Variants in DNAJC1 observed in about 807,000 individuals in gnomAD.
The protein encoded by DNAJC1 is DnaJ heat shock protein family (Hsp40) member C1.
A neutral mutation model predicts 76.6 loss-of-function variants in DNAJC1; 58 were observed. The ratio of observed to expected loss-of-function variants is 0.76; its 90% CI spans 0.61 to 0.94. DNAJC1 has a LOEUF of 0.94. Ranked by LOEUF, DNAJC1 falls within the 40% of genes least tolerant of loss-of-function variation. The probability of loss-of-function intolerance (pLI) is 0.00; values close to 1 mark genes in which losing one functional copy is unlikely to be tolerated. For synonymous variants in DNAJC1, 258 were observed against 267.9 expected (o/e 0.96, Z 0.36); for missense variants, 689 against 677.3 (o/e 1.02, Z -0.19).
intron 1 of DNAJC1, among the ~76,000 whole-genome samples, chr10:21,982,751 C>T (rs1284843348): frequency 6.6e-6 from 1 of 150,876 alleles, no homozygotes; most frequent in Admixed American, 6.6e-5. Context: ...TAAGTACTGA[C>T]GAGGATGTGG....
chr10:21,782,013 A>C (rs996712284), intron 9 of DNAJC1, among the ~76,000 whole-genome samples: 1 of 152,168 alleles, frequency 6.6e-6, no homozygotes, highest in Non-Finnish European at 1.5e-5. Flanking sequence ...CACATTCAGA[A>C]GCTAGCAGAA....
At position 21,757,415 on chromosome 10, in the gene DNAJC1, C is replaced by T. The variant is rs202157962; in HGVS notation, c.1597-660G>A. Among the ~76,000 whole-genome samples, 6 of 152,206 alleles carry T rather than the reference C, an allele frequency of 3.9e-5. No homozygotes were observed. In the East Asian group the frequency reaches 9.6e-4, roughly 24 times the overall value. The stretch of plus-strand genomic sequence containing the variant: ...ATTGATCACAGGAACTTTCCAGAAT[C>T]TATTCTGTTTCTGTTCCAAAAATAA... On this transcript the variant is annotated intron_variant, in intron 11 of 11. Coordinates refer to ENST00000376980, the MANE Select transcript of DNAJC1 (RefSeq NM_022365.4).
chr10:21,856,782 GC>G (rs1336829107), intron 8 of DNAJC1, among the ~76,000 whole-genome samples: 1 of 151,902 alleles, frequency 6.6e-6, no homozygotes, highest in Non-Finnish European at 1.5e-5. Context: ...TCTCACCCAG[GC>G]TGGAGTGCAA....
intron 9 of DNAJC1, among the ~76,000 whole-genome samples, chr10:21,781,918 T>C (rs1007674120): frequency 2.0e-5 from 3 of 152,046 alleles, no homozygotes; most frequent in Non-Finnish European, 4.4e-5. Context: ...GGGAAATTTA[T>C]AGCACTAAAT....
intron 8 of DNAJC1, among the ~76,000 whole-genome samples, chr10:21,815,237 C>T (rs1835055251): frequency 6.6e-6 from 1 of 152,216 alleles, no homozygotes; most frequent in Admixed American, 6.5e-5. Context: ...GCCACTATAG[C>T]TCCCTGACTA....
chr10:21,883,018 G>C (rs923890253), intron 7 of DNAJC1, among the ~76,000 whole-genome samples: 15 of 152,214 alleles, frequency 9.9e-5, no homozygotes, highest in African/African-American at 3.6e-4. Context: ...GGGAGGCCAA[G>C]GCAGGTGCAT....
At chr10:21,882,260 A>T (rs761928991) in intron 8 of DNAJC1, 22 bp downstream of exon 8, 6 of 1,584,888 alleles carry the variant, frequency 3.8e-6, no homozygotes, top group Non-Finnish European at 8.5e-7. Context: ...TACTCAAAAC[A>T]AGTTTTATAA....
intron 8 of DNAJC1, among the ~76,000 whole-genome samples, chr10:21,838,724 T>A (rs191839114): frequency 3.2e-4 from 48 of 152,186 alleles, no homozygotes; most frequent in Admixed American, 2.0e-3. Context: ...ACCCAGGAAT[T>A]GAACTCAGCT....
Position 22,001,836 on chromosome 10 carries a change from G to T in DNAJC1, c.222+1377C>A, listed in dbSNP as rs114390819. On this transcript the variant is annotated intron_variant, in intron 1 of 11. Transcript: ENST00000376980. ...CCCAGTATTAAAGTAGTTCTTAAAA[G>T]TCATCAGAGCTTCACTAATTATTTT... Among the ~76,000 whole-genome samples, 498 of 152,244 alleles carry T rather than the reference G, an allele frequency of 3.3e-3. 4 individuals carry two copies. Among genetic ancestry groups the T allele is most frequent in the African/African-American group, 0.011 (468 of 41,558 alleles).
chr10:21,987,100 G>T (rs1481199987), intron 1 of DNAJC1, among the ~76,000 whole-genome samples: 1 of 152,006 alleles, frequency 6.6e-6, no homozygotes. Flanking sequence ...TATCAATTCG[G>T]AAGCCAAATT....
chr10:21,888,763 T>G (rs1361529615), intron 7 of DNAJC1, among the ~76,000 whole-genome samples: 1 of 152,002 alleles, frequency 6.6e-6, no homozygotes, highest in Non-Finnish European at 1.5e-5. Flanking sequence ...CAAAAGACAC[T>G]GGGGTCTACT....
In DNAJC1 at chr10:21,786,451, TATATATATATATAGAGAGAGAGAG is replaced by T. The variant is rs1400983414; in HGVS notation, c.1098+19505_1098+19528del. 1.1e-4 allele frequency among the ~76,000 whole-genome samples: 11 copies of T among 95,736 alleles called. 1 individual carries two copies. Among genetic ancestry groups the T allele is most frequent in the African/African-American group, 4.2e-4 (10 of 24,044 alleles). The allele number at this position is 95,736 out of a possible 152,430, so 62.8% of individuals were successfully genotyped here. On this transcript the variant is annotated intron_variant, in intron 9 of 11. Transcript: ENST00000376980. ...GAATATATATATATATATATATATATATATATATATATAGAGAGAGAGAGAGAGAGAGAGAGAGAGAGAGAGAGA... is the reference window on the plus strand; with the variant it reads ...GAATATATATATATATATATATATATAGAGAGAGAGAGAGAGAGAGAGAGA...
chr10:21,936,846 G>A (rs1236973215), intron 1 of DNAJC1, among the ~76,000 whole-genome samples: 1 of 152,064 alleles, frequency 6.6e-6, no homozygotes, highest in African/African-American at 2.4e-5. Flanking sequence ...TACAAAAAAG[G>A]TAGTAATGGA....
chr10:21,764,497 TAGA>T (rs1834273366), intron 10 of DNAJC1, among the ~76,000 whole-genome samples: 1 of 152,218 alleles, frequency 6.6e-6, no homozygotes, highest in African/African-American at 2.4e-5. Flanking sequence ...TTCTTATCTG[TAGA>T]AGGTCATTTT....
intron 9 of DNAJC1, among the ~76,000 whole-genome samples, chr10:21,773,132 A>G (rs964542493): frequency 6.6e-6 from 1 of 152,120 alleles, no homozygotes; most frequent in Non-Finnish European, 1.5e-5. Flanking sequence ...ACAGATCCAA[A>G]CCATATCACT....
rs1836993858 is a variant in DNAJC1 at position 21,918,793 on chromosome 10, G to A, written c.715C>T (p.Pro239Ser). The change falls in exon 6 of 12, where the codon CCT (proline) becomes TCT (serine). Residue 239 changes from proline to serine, a missense_variant. Pro to Ser is a moderately conservative substitution (Grantham distance 74). Coordinates refer to ENST00000376980, the MANE Select transcript of DNAJC1 (RefSeq NM_022365.4). ...GTACATTTTACCTGGATGAGGTGAG[G>A]TAATGCTTTTAGTGTAAGGCAAAAC... Reference protein sequence around the residue: ...IWFCLTLKALPHLIQDAGQFY... With the variant: ...IWFCLTLKALSHLIQDAGQFY... 1.2e-6 allele frequency: 2 copies of A among 1,610,036 alleles called. No individual in the cohort carries two copies. The highest frequency in any genetic ancestry group is 3.3e-5 in the Admixed American group (2 of 59,972).
chr10:21,855,162 G>A (rs1199988951), intron 8 of DNAJC1, among the ~76,000 whole-genome samples: 1 of 152,088 alleles, frequency 6.6e-6, no homozygotes, highest in Non-Finnish European at 1.5e-5. Flanking sequence ...GTTAAAATAG[G>A]ATTTTAATAA....
At chr10:21,862,455 G>A (rs1388303159) in intron 8 of DNAJC1, among the ~76,000 whole-genome samples, 1 of 142,414 alleles carries the variant, frequency 7.0e-6, no homozygotes, top group African/African-American at 2.7e-5. Flanking sequence ...TTGAGACTGA[G>A]CCTCACTTTG....
At chr10:21,813,276 G>A (rs2131648134) in intron 8 of DNAJC1, among the ~76,000 whole-genome samples, 1 of 134,814 alleles carries the variant, frequency 7.4e-6, no homozygotes, top group Admixed American at 8.2e-5. Flanking sequence ...TCTTTCTTGG[G>A]TTACTTGTCT....
Sources: gnomAD v4.1 joint callset for allele counts (sites outside exome capture counted in the v4.1 genomes callset) on GRCh38, gnomAD v4.1.1 for gene constraint, MANE v1.5 for transcripts, NCBI Gene and HGNC (gene_info 2026-07-23, HGNC 2026-07-21) for gene names.